The following FBN3 variants were observed in gnomAD, a reference collection of about 807,000 sequenced individuals.
The protein encoded by FBN3 is fibrillin 3, also known as fibrillin-3.
Under a neutral mutation model 330.1 loss-of-function variants are expected in FBN3, and 234 were observed. The ratio of observed to expected loss-of-function variants is 0.71; its 90% CI spans 0.64 to 0.79. The LOEUF is 0.79. Ranked by LOEUF, FBN3 falls within the 30% of genes least tolerant of loss-of-function variation. The pLI, the probability that FBN3 is intolerant of heterozygous loss-of-function variation, is 0.00. For synonymous variants in FBN3, 1,458 were observed against 1,517.3 expected (o/e 0.96, Z 0.91); for missense variants, 3,606 against 3,886.9 (o/e 0.93, Z 1.92).
At chr19:8,098,038 A>C (rs1007804478) in intron 41 of FBN3, among the ~76,000 whole-genome samples, 1 of 152,232 alleles carries the variant, frequency 6.6e-6, no homozygotes, top group Non-Finnish European at 1.5e-5. Context: ...TGTGTGATGA[A>C]AATGTTTTAA....
chr19:8,078,432 T>G (rs2081694322), intron 59 of FBN3, among the ~76,000 whole-genome samples: 1 of 152,206 alleles, frequency 6.6e-6, no homozygotes, highest in Non-Finnish European at 1.5e-5. Context: ...TTGATCAAGT[T>G]GAGCCTCACA....
At position 8,090,216 on chromosome 19, in the gene FBN3, C is replaced by A; in HGVS notation, c.6067G>T (p.Ala2023Ser). ...RQSFCFTRFE[A>S]GKCSVPKAFN... ...GCTTTGGGCACCGAGCACTTCCCAG[C>A]CTCAAAACGGGTGAAGCAGAAACTC... Residue 2023 changes from alanine to serine, a missense_variant, in exon 49 of 64, where the codon GCT becomes TCT. Physicochemically the swap from Ala to Ser is moderately conservative, Grantham distance 99. Transcript: ENST00000600128. 5.6e-6 allele frequency: 9 copies of A among 1,614,010 alleles called. No individual in the cohort carries two copies. The highest frequency in any genetic ancestry group is 7.6e-6 in the Non-Finnish European group (9 of 1,179,974).
chr19:8,081,510 G>A (rs201572446), intron 57 of FBN3, 30 bp from the exon 58 acceptor site: 13 of 1,567,612 alleles, frequency 8.3e-6, no homozygotes, highest in South Asian at 1.2e-5. Flanking sequence ...GTAGTGGGGC[G>A]GGGTTAGACA....
Position 8,086,997 on chromosome 19 carries a change from T to A in FBN3, c.6754+80A>T. The A allele has an allele frequency of 4.6e-6, 7 of 1,516,958 alleles. No individual in the cohort carries two copies. The South Asian group carries it at 7.3e-5, about 16-fold the overall frequency. The allele number at this position is 1,516,958 out of a possible 1,614,324, so 94.0% of individuals were successfully genotyped here. A position where few individuals can be genotyped will look rare whatever the true frequency, so the allele number is the denominator to read the frequency against. ...CTGGGATGACAGGTATGAGTCACCG[T>A]GCCCGGTCCAACCCTCTTGCTTTGA... On this transcript the variant is annotated intron_variant, in intron 54 of 63. Coordinates refer to ENST00000600128, the MANE Select transcript of FBN3 (RefSeq NM_032447.5).
intron 13 of FBN3, 26 bp downstream of exon 13, chr19:8,135,935 T>TTGGGGGGGGGGGGGGGGGGCGGG: frequency 3.0e-6 from 4 of 1,344,156 alleles, no homozygotes; most frequent in Non-Finnish European, 4.0e-6. Context: ...CGGAAGCCCC[T>TTGGGGGGGGGGGGGGGGGGCGGG]GCCCACCCGC....
intron 61 of FBN3, 37 bp from the exon 62 acceptor site, chr19:8,073,334 A>T: frequency 6.4e-7 from 1 of 1,561,402 alleles, no homozygotes; most frequent in Non-Finnish European, 8.8e-7. Context: ...GAGGACGCAG[A>T]GGTGGGGCAG....
intron 41 of FBN3, among the ~76,000 whole-genome samples, chr19:8,098,293 G>A (rs2144740903): frequency 6.6e-6 from 1 of 152,268 alleles, no homozygotes; most frequent in Non-Finnish European, 1.5e-5. Flanking sequence ...CCATCAGTAG[G>A]GGACTGGAAA....
intron 46 of FBN3, among the ~76,000 whole-genome samples, chr19:8,094,777 G>C (rs1028614187): frequency 4.6e-5 from 7 of 152,076 alleles, no homozygotes; most frequent in Admixed American, 4.6e-4. Flanking sequence ...GTTATAGGTG[G>C]GGCAGATGGT....
intron 59 of FBN3, among the ~76,000 whole-genome samples, chr19:8,076,664 C>T (rs1054033921): frequency 6.6e-6 from 1 of 151,982 alleles, no homozygotes; most frequent in African/African-American, 2.4e-5. Flanking sequence ...TATACATACA[C>T]ATATATATAT....
At chr19:8,085,239 A>AC in intron 56 of FBN3, 124 bp downstream of exon 56, 1 of 770,076 alleles carries the variant, frequency 1.3e-6, no homozygotes. Context: ...ACACACACAC[A>AC]CACACACACA....
chr19:8,097,019 A>G lies in FBN3; in HGVS notation c.5288-13T>C, dbSNP rs2082225105. ...CACTCATCGACATCTGGGAAAATAC[A>G]GCAAATGAGGTGGGGGTGACAGAGA... On this transcript the variant is annotated splice_polypyrimidine_tract_variant and intron_variant, in intron 42 of 63. Coordinates refer to ENST00000600128, the MANE Select transcript of FBN3 (RefSeq NM_032447.5). 3.1e-6 allele frequency: 5 copies of G among 1,610,758 alleles called. No homozygotes were observed. Among genetic ancestry groups the G allele is most frequent in the Non-Finnish European group, 4.2e-6 (5 of 1,178,390 alleles).
In FBN3 at chr19:8,100,891, A is replaced by G; in HGVS notation, c.5161+10T>C. ...GGTGCCCAGGGATAGAGCAGGGACC[A>G]CTCACTCACCAAGGGGCTTCCCCGT... On this transcript the variant is annotated intron_variant, in intron 41 of 63. Transcript: ENST00000600128. 1 of 1,612,220 alleles carries G rather than the reference A, an allele frequency of 6.2e-7. No individual in the cohort carries two copies.
chr19:8,095,451 G>A lies in FBN3; in HGVS notation c.5709C>T (p.Cys1903=), dbSNP rs2082188894. 6.2e-7 allele frequency: 1 copy of A among 1,613,832 alleles called. No individual in the cohort carries two copies. The highest frequency in any genetic ancestry group is 2.2e-5 in the East Asian group (1 of 44,856). ...AGTGGAAGGAACCAGCTGTGTTGAG[G>A]CAATGGCCAAATCGGCACACCTGCC... is the stretch of plus-strand genomic sequence containing the variant. ...LVGQVCRFGH[C]LNTAGSFHCL... The change falls in exon 46 of 64, where the codon TGC becomes TGT. Residue 1903 remains cysteine, a synonymous_variant. Transcript: ENST00000600128.
Position 8,115,647 on chromosome 19 carries a change from G to T in FBN3, c.3713-7C>A. The T allele has an allele frequency of 6.2e-7, 1 of 1,613,874 alleles. No individual in the cohort carries two copies. The highest frequency in any genetic ancestry group is 1.3e-5 in the African/African-American group (1 of 75,004). On this transcript the variant is annotated splice_polypyrimidine_tract_variant and splice_region_variant and intron_variant, in intron 29 of 63. Coordinates refer to ENST00000600128, the MANE Select transcript of FBN3 (RefSeq NM_032447.5). ...AGGTCACACTCATCCACATCTGTTGGGGAAGAGAGCATGAGGTCTGAGGAC... is the reference window on the plus strand; with the variant it reads ...AGGTCACACTCATCCACATCTGTTGTGGAAGAGAGCATGAGGTCTGAGGAC...
At chr19:8,075,486 A>C in intron 59 of FBN3, 75 bp from the exon 60 acceptor site, 1 of 1,496,744 alleles carries the variant, frequency 6.7e-7, no homozygotes, top group Non-Finnish European at 9.1e-7. Context: ...TGCCAGTCCC[A>C]CCACTGTGTG....
rs748273291 is a variant in FBN3 at position 8,126,583 on chromosome 19, C to T, written c.2439G>A (p.Trp813Ter). Residue 813 changes from tryptophan (W) to a stop codon, truncating the protein, a stop_gained, in exon 20 of 64, where the codon TGG (tryptophan) becomes TGA (stop). Coordinates refer to ENST00000600128, the MANE Select transcript of FBN3 (RefSeq NM_032447.5). LOFTEE classifies it high-confidence loss of function. ...CACAGCGGCTCTCCTGGATCTTCAGCCAGCAGGTGCCCTTGGTGCTGTCTG... is the reference window on the plus strand; with the variant it reads ...CACAGCGGCTCTCCTGGATCTTCAGTCAGCAGGTGCCCTTGGTGCTGTCTG... Reference protein sequence around the residue: ...FCLDSTKGTCWLKIQESRCEV... With the variant: ...FCLDSTKGTC 1.2e-6 allele frequency: 2 copies of T among 1,610,392 alleles called. No homozygotes were observed. Among genetic ancestry groups the T allele is most frequent in the East Asian group, 4.5e-5 (2 of 44,870 alleles).
Position 8,147,437 on chromosome 19 carries a change from CGG to C in FBN3, c.42_43del (p.Arg15AlafsTer72), listed in dbSNP as rs1159829160. The C allele has an allele frequency of 1.3e-6, 2 of 1,574,810 alleles. No homozygotes were observed. Among genetic ancestry groups the C allele is most frequent in the Non-Finnish European group, 1.7e-6 (2 of 1,162,926 alleles). On this transcript the variant is annotated frameshift_variant, in exon 2 of 64. Transcript: ENST00000600128. LOFTEE classifies it high-confidence loss of function. ...CAGGGCCGACCAGGCCAGCAGGAGCCGGGCCAGGGGGCCCCTTGCCAAATACA... is the reference window on the plus strand; with the variant it reads ...CAGGGCCGACCAGGCCAGCAGGAGCCGCCAGGGGGCCCCTTGCCAAATACA...
intron 54 of FBN3, 68 bp downstream of exon 54, chr19:8,087,009 C>G: frequency 6.5e-7 from 1 of 1,548,838 alleles, no homozygotes; most frequent in Non-Finnish European, 8.7e-7. Flanking sequence ...CCCGGTCCAA[C>G]CCTCTTGCTT....
intron 13 of FBN3, among the ~76,000 whole-genome samples, chr19:8,135,290 T>G (rs1042993220): frequency 1.3e-5 from 2 of 151,958 alleles, no homozygotes; most frequent in East Asian, 3.9e-4. Flanking sequence ...AAATTTTTTT[T>G]TTTTTGAGAC....
Sources: allele counts gnomAD v4.1 joint callset (sites outside exome capture counted in the v4.1 genomes callset), GRCh38; gene constraint gnomAD v4.1.1; transcripts MANE v1.5; gene names NCBI Gene and HGNC (gene_info 2026-07-23, HGNC 2026-07-21).